The following C6orf89 variants were observed in gnomAD, a reference collection of about 807,000 sequenced individuals.
C6orf89 encodes the protein chromosome 6 open reading frame 89.
Under a neutral mutation model 40.7 loss-of-function variants are expected in C6orf89, and 29 were observed. That is an observed-to-expected ratio of 0.71 (90% CI 0.53 to 0.97). The LOEUF (loss-of-function observed/expected upper bound fraction) is 0.97. C6orf89 is among the 50% of genes least tolerant of loss of function. The pLI, the probability that C6orf89 is intolerant of heterozygous loss-of-function variation, is 0.00. For missense variants in C6orf89, 392 were observed against 429.1 expected (o/e 0.91, Z 0.76); for synonymous variants, 165 against 152.2 (o/e 1.08, Z -0.62).
Position 36,899,457 on chromosome 6 carries a change from G to A in C6orf89, c.13G>A (p.Ala5Thr). 1 of 1,614,102 alleles carries A rather than the reference G, an allele frequency of 6.2e-7. No individual in the cohort carries two copies. Among genetic ancestry groups the A allele is most frequent in the East Asian group, 2.2e-5 (1 of 44,886 alleles). MDLA[A>T]NEISIYDKLS... is the part of the protein sequence containing the mutation. ...TATATTGGAAGACATGGATCTTGCTGCCAACGAGATCAGCATTTATGACAA... is the reference window on the plus strand; with the variant it reads ...TATATTGGAAGACATGGATCTTGCTACCAACGAGATCAGCATTTATGACAA... The change falls in exon 3 of 9, where the codon GCC (alanine) becomes ACC (threonine). Residue 5 changes from alanine (A) to threonine (T), a missense_variant. Ala to Thr is a moderately conservative substitution (Grantham distance 58). Transcript: ENST00000480824.
In C6orf89 at chr6:36,902,132, G is replaced by A. The variant is rs1181261381; in HGVS notation, c.190-89G>A. On this transcript the variant is annotated intron_variant, in intron 3 of 8. Coordinates refer to ENST00000480824, the MANE Select transcript of C6orf89 (RefSeq NM_001286635.2). Reference sequence around the variant, plus strand: ...TAGTTCTTAAGGCACATTGGAAGTAGCAGAAGAAGCCTGTTTTGTTTTGTT... The same window carrying A: ...TAGTTCTTAAGGCACATTGGAAGTAACAGAAGAAGCCTGTTTTGTTTTGTT... 8 of 1,072,814 alleles carry A rather than the reference G, an allele frequency of 7.5e-6. No homozygotes were observed. The Admixed American group carries it at 1.4e-4, about 18-fold the overall frequency. The allele number at this position is 1,072,814 out of a possible 1,614,324, so 66.5% of individuals were successfully genotyped here. A position where few individuals can be genotyped will look rare whatever the true frequency, so the allele number is the denominator to read the frequency against.
chr6:36,884,621 T>C (rs1216113169), upstream of C6orf89, among the ~76,000 whole-genome samples: 1 of 152,142 alleles, frequency 6.6e-6, no homozygotes, highest in Non-Finnish European at 1.5e-5. The surrounding 1 kb of genome is among the most constrained non-coding windows in gnomAD (Gnocchi z 4.0). Context: ...AAACCCAAAA[T>C]GATGTAACTG....
chr6:36,914,375 G>A lies in C6orf89; in HGVS notation c.495G>A (p.Lys165=), dbSNP rs749823599. The change falls in exon 5 of 9, where the codon AAG becomes AAA. Residue 165 remains lysine, a synonymous_variant. Coordinates refer to ENST00000480824, the MANE Select transcript of C6orf89 (RefSeq NM_001286635.2). ...NCTGCAQKHL[K]VMLLEDAPRK... ...CTGGCTGTGCCCAGAAACACCTGAA[G>A]GTGATGCTCCTGGAAGACGCCCCAA... is the stretch of plus-strand genomic sequence containing the variant. The A allele has an allele frequency of 2.5e-6, 4 of 1,614,186 alleles. No individual in the cohort carries two copies. Among genetic ancestry groups the A allele is most frequent in the Non-Finnish European group, 3.4e-6 (4 of 1,180,028 alleles).
intron 1 of C6orf89, among the ~76,000 whole-genome samples, chr6:36,872,392 C>T (rs1019886756): frequency 3.3e-5 from 5 of 151,886 alleles, no homozygotes; most frequent in Admixed American, 2.6e-4. Flanking sequence ...AATACATTAC[C>T]TATTCAAAAA....
chr6:36,901,321 ATTTTTTTT>A (rs60381134), intron 3 of C6orf89, among the ~76,000 whole-genome samples: 224 of 18,822 alleles, frequency 0.012, 4 homozygotes, highest in African/African-American at 0.035. Context: ...TATTATTATT[ATTTTTTTT>A]TTTTTTTTTT....
chr6:36,916,108 C>T (rs868202169), intron 6 of C6orf89, among the ~76,000 whole-genome samples: 4 of 152,160 alleles, frequency 2.6e-5, no homozygotes, highest in Non-Finnish European at 5.9e-5. Context: ...CTCTTCTCCC[C>T]TTCCCCCGCC....
chr6:36,872,967 A>G (rs1002048865), intron 1 of C6orf89, among the ~76,000 whole-genome samples: 5 of 152,216 alleles, frequency 3.3e-5, no homozygotes, highest in Non-Finnish European at 7.3e-5. Context: ...TGCACAGTGT[A>G]AACACTCTAT....
At chr6:36,884,331 G>C (rs1774903834), upstream of C6orf89, among the ~76,000 whole-genome samples, 1 of 152,122 alleles carries the variant, frequency 6.6e-6, no homozygotes, top group Admixed American at 6.5e-5. The surrounding 1 kb of genome is among the most constrained non-coding windows in gnomAD (Gnocchi z 4.0). Context: ...GTCAAGCAAG[G>C]AGACTCTTCA....
At chr6:36,892,357 A>C (rs1761238866) in intron 1 of C6orf89, among the ~76,000 whole-genome samples, 1 of 152,116 alleles carries the variant, frequency 6.6e-6, no homozygotes, top group African/African-American at 2.4e-5. Context: ...AAAGAGCTGG[A>C]GCCTCCCTGT....
In C6orf89 at chr6:36,905,055, C is replaced by A. The variant is rs114889387; in HGVS notation, c.403+2621C>A. ...TTTGCAGCGAGTCATGGAAACATCC[C>A]GCTCTGCAGCAAAAAATAAGTAAAT... is the stretch of plus-strand genomic sequence containing the variant. On this transcript the variant is annotated intron_variant, in intron 4 of 8. Transcript: ENST00000480824. 5.8e-3 allele frequency among the ~76,000 whole-genome samples: 880 copies of A among 152,276 alleles called. 7 individuals carry two copies. Among genetic ancestry groups the A allele is most frequent in the African/African-American group, 0.019 (795 of 41,556 alleles).
intron 4 of C6orf89, among the ~76,000 whole-genome samples, chr6:36,908,181 T>C (rs970685040): frequency 6.6e-6 from 1 of 152,248 alleles, no homozygotes; most frequent in Non-Finnish European, 1.5e-5. Flanking sequence ...TTTTAAAGTT[T>C]GGGCTCCCTT....
intron 4 of C6orf89, among the ~76,000 whole-genome samples, chr6:36,902,721 A>G (rs1761770191): frequency 6.6e-6 from 1 of 152,238 alleles, no homozygotes; most frequent in Non-Finnish European, 1.5e-5. Context: ...GTCTTTGCCC[A>G]TAAAAAGGAT....
At chr6:36,901,325 T>C (rs201508480) in intron 3 of C6orf89, among the ~76,000 whole-genome samples, 4 of 38,862 alleles carry the variant, frequency 1.0e-4, no homozygotes, top group African/African-American at 5.6e-4. Flanking sequence ...ATTATTATTT[T>C]TTTTTTTTTT....
rs150760798 is a variant in C6orf89 at position 36,909,732 on chromosome 6, G to A, written c.404-4552G>A. On this transcript the variant is annotated intron_variant, in intron 4 of 8. Transcript: ENST00000480824. ...GGGGAGGTCAAGGCCACAGTGAGCC[G>A]TGATTGTACCACTGCACTTCAGCCT... 6.1e-3 allele frequency among the ~76,000 whole-genome samples: 912 copies of A among 150,138 alleles called. 7 individuals carry two copies. Among genetic ancestry groups the A allele is most frequent in the African/African-American group, 0.018 (737 of 40,660 alleles).
intron 2 of C6orf89, among the ~76,000 whole-genome samples, chr6:36,898,171 C>T (rs1761512614): frequency 6.6e-6 from 1 of 152,240 alleles, no homozygotes; most frequent in East Asian, 1.9e-4. Context: ...CAGCCTCAAA[C>T]TCCTGGGCTC....
chr6:36,886,136 C>T (rs1774976495), intron 1 of C6orf89, 108 bp downstream of exon 1: 1 of 987,454 alleles, frequency 1.0e-6, no homozygotes, highest in Non-Finnish European at 1.3e-6. Flanking sequence ...CTGCTACCAC[C>T]CTCTATCCCA....
chr6:36,916,671 G>A (rs987170405), intron 7 of C6orf89, 97 bp downstream of exon 7: 5 of 1,470,944 alleles, frequency 3.4e-6, no homozygotes, highest in Admixed American at 1.8e-5. Flanking sequence ...TGGCTTAGAG[G>A]GTTACAGGGT....
intron 1 of C6orf89, among the ~76,000 whole-genome samples, chr6:36,893,663 G>A (rs1178941610): frequency 2.0e-5 from 3 of 152,166 alleles, no homozygotes; most frequent in Admixed American, 6.5e-5. Context: ...CAGGCGCGGT[G>A]GTTCATGCCT....
rs1426295051 is a variant in C6orf89, at chr6:36,927,577, ACT to A, written c.*4138_*4139del. ...GCTCTCTTGAGTATACAAGTTCCAC[ACT>A]CATTACCTTTCAGTGGTGACCCATC... On this transcript the variant is annotated 3_prime_UTR_variant, in exon 9 of 9. Coordinates refer to ENST00000480824, the MANE Select transcript of C6orf89 (RefSeq NM_001286635.2). 2.6e-5 allele frequency: 4 copies of A among 152,122 alleles called. No individual in the cohort carries two copies. The highest frequency in any genetic ancestry group is 7.2e-5 in the African/African-American group (3 of 41,410). 9.4% of individuals were successfully genotyped at this position (152,122 alleles called of 1,614,324 possible). A position where few individuals can be genotyped will look rare whatever the true frequency, so the allele number is the denominator to read the frequency against.
Sources: allele counts gnomAD v4.1 joint callset (sites outside exome capture counted in the v4.1 genomes callset), GRCh38; gene constraint gnomAD v4.1.1; non-coding constraint Gnocchi (gnomAD v3.1); transcripts MANE v1.5; gene names NCBI Gene and HGNC (gene_info 2026-07-23, HGNC 2026-07-21).